The following NBPF9 variants were observed in gnomAD, a reference collection of about 807,000 sequenced individuals.
The protein encoded by NBPF9 is NBPF family member NBPF9.
In NBPF9, 91 loss-of-function variants were observed where a neutral mutation model predicts 97.8. The observed-to-expected ratio is 0.93, with a 90% confidence interval of 0.79 to 1.11. NBPF9 has a LOEUF of 1.11. Among genes scored for constraint, NBPF9 ranks in the 50% least tolerant of loss-of-function variants. NBPF9 has a pLI of 0.00. For missense variants in NBPF9, 992 were observed against 939.5 expected (o/e 1.06, Z -0.73); for synonymous variants, 334 against 359.5 (o/e 0.93, Z 0.80).
intron 4 of NBPF9, among the ~76,000 whole-genome samples, chr1:149,093,083 G>A (rs1379598900): frequency 6.6e-6 from 1 of 152,128 alleles, no homozygotes; most frequent in South Asian, 2.1e-4. Context: ...TTTCTGGAGA[G>A]GGGGATGTGG....
chr1:149,089,686 G>C (rs2081289874), intron 5 of NBPF9, among the ~76,000 whole-genome samples: 1 of 152,312 alleles, frequency 6.6e-6, no homozygotes, highest in Non-Finnish European at 1.5e-5. Flanking sequence ...GGAAAAGACA[G>C]CTCAGCGTAA....
At chr1:149,084,427 ATT>A (rs1491415713) in intron 5 of NBPF9, among the ~76,000 whole-genome samples, 2 of 145,774 alleles carry the variant, frequency 1.4e-5, no homozygotes, top group African/African-American at 5.2e-5. Context: ...GTGTATATAT[ATT>A]ATATATATAT....
exon 30 of NBPF9, chr1:149,055,507 C>G (rs1185606645): frequency 1.3e-6 from 2 of 1,529,298 alleles, no homozygotes; most frequent in Non-Finnish European, 1.8e-6. Context: ...CAGGTTGCCA[C>G]TGGCATGGTT....
rs587744338 is a variant in NBPF9, at chr1:149,084,693, C to T, written c.-194-2263G>A. Among the ~76,000 whole-genome samples, 5 of 151,544 alleles carry T rather than the reference C, an allele frequency of 3.3e-5. No homozygotes were observed. In the South Asian group the frequency reaches 1.0e-3, roughly 32 times the overall value. ...ACAAGGACCCACCTTCCATCTGGGCCGCCGTCCCAGGGAAAACCTTCCTCA... is the reference window on the plus strand; with the variant it reads ...ACAAGGACCCACCTTCCATCTGGGCTGCCGTCCCAGGGAAAACCTTCCTCA... On this transcript the variant is annotated intron_variant, in intron 5 of 29. Coordinates refer to ENST00000584027, the Ensembl canonical transcript of NBPF9.
Position 149,077,852 on chromosome 1 carries a change from C to A in NBPF9, c.566+31G>T. On this transcript the variant is annotated intron_variant, in intron 10 of 29. Transcript: ENST00000584027. Reference sequence around the variant, plus strand: ...CCTAGACATCTTCATATGTTACCACCCATTACTTGCTCCTGAGTATTCAGT... The same window carrying A: ...CCTAGACATCTTCATATGTTACCACACATTACTTGCTCCTGAGTATTCAGT... 5 of 1,591,092 alleles carry A rather than the reference C, an allele frequency of 3.1e-6. 1 individual carries two copies. The highest frequency in any genetic ancestry group is 2.6e-6 in the Non-Finnish European group (3 of 1,160,978).
chr1:149,062,366 A>T lies in NBPF9; in HGVS notation c.2079-101T>A. ...TAACATAAGGAACTGTTTAAAAAGA[A>T]AAAGGACAGATCCATTAATGAGGTA... On this transcript the variant is annotated intron_variant, in intron 21 of 29. Coordinates refer to ENST00000584027, the Ensembl canonical transcript of NBPF9. 3 of 650,196 alleles carry T rather than the reference A, an allele frequency of 4.6e-6. No individual in the cohort carries two copies. The South Asian group carries it at 5.0e-5, about 11-fold the overall frequency. 40.3% of individuals were successfully genotyped at this position (650,196 alleles called of 1,614,324 possible).
chr1:149,055,688 C>A lies in NBPF9; in HGVS notation c.3304G>T (p.Val1102Leu), dbSNP rs782302589. The change falls in exon 30 of 30, where the codon GTG becomes TTG. Residue 1102 changes from valine to leucine, a missense_variant. By Grantham distance (32) the Val-to-Leu change is conservative (BLOSUM62 1). Coordinates refer to ENST00000584027, the Ensembl canonical transcript of NBPF9. ...GGGAATATGACTTCCATCTGGAACA[C>A]CAGGTGGAGACTTGTCACCGTCAAA... The A allele has an allele frequency of 4.9e-5, 79 of 1,611,902 alleles. No homozygotes were observed. The East Asian group carries it at 1.6e-3, about 32-fold the overall frequency.
chr1:149,098,613 A>C, exon 4 of NBPF9: 1 of 1,294,702 alleles, frequency 7.7e-7, no homozygotes, highest in Non-Finnish European at 9.9e-7. Flanking sequence ...AAGCTCCAGG[A>C]CACCCTCAGG....
intron 4 of NBPF9, among the ~76,000 whole-genome samples, chr1:149,093,315 A>T (rs1197268409): frequency 3.3e-5 from 5 of 151,282 alleles, no homozygotes; most frequent in Non-Finnish European, 5.9e-5. Context: ...ATCGGGCTTT[A>T]CACCGAGACA....
chr1:149,080,835 T>G (rs2080367487), intron 7 of NBPF9, among the ~76,000 whole-genome samples: 2 of 148,740 alleles, frequency 1.3e-5, no homozygotes, highest in African/African-American at 5.0e-5. Context: ...TCAAGGAGAT[T>G]GACAGGAAAT....
intron 5 of NBPF9, among the ~76,000 whole-genome samples, chr1:149,084,367 G>A (rs1231945077): frequency 6.9e-6 from 1 of 145,948 alleles, no homozygotes; most frequent in East Asian, 2.0e-4. Context: ...ATATACATAC[G>A]TGTGTATATA....
chr1:149,062,204 A>C (rs782010191), exon 22 of NBPF9: 2 of 1,048,160 alleles, frequency 1.9e-6, no homozygotes, highest in South Asian at 1.3e-5. Context: ...GTCGAATACC[A>C]TCTACCCAGT....
chr1:149,097,262 A>G (rs1403455631), intron 4 of NBPF9, among the ~76,000 whole-genome samples: 1 of 152,172 alleles, frequency 6.6e-6, no homozygotes, highest in Non-Finnish European at 1.5e-5. Flanking sequence ...CACCACCAGT[A>G]TTTTCCATTA....
intron 3 of NBPF9, among the ~76,000 whole-genome samples, chr1:149,101,019 A>G (rs1248154207): frequency 6.6e-6 from 1 of 151,782 alleles, no homozygotes; most frequent in Non-Finnish European, 1.5e-5. Flanking sequence ...TAGGTTAGGC[A>G]TTGATTTCTT....
At chr1:149,082,428 C>T (rs9441130) in exon 6 of NBPF9, 56,913 of 876,412 alleles carry the variant, frequency 0.065, 2,297 homozygotes, top group Non-Finnish European at 0.081. Context: ...GCCAGGTAAC[C>T]GTCTGCAGTT....
rs1276350306 is a variant in NBPF9 at position 149,090,888 on chromosome 1, T to TCAAGGGCTA, written c.-336-3_-331dup. ...TTATTTTGTTTGACCATCCTTATCT[T>TCAAGGGCTA]CAAGGGCTACCAAGAAGAAACAAAT... On this transcript the variant is annotated 5_prime_UTR_variant, in exon 5 of 30. The change creates a premature stop within an existing upstream ORF in the 5' untranslated region. Transcript: ENST00000584027. 17 of 515,004 alleles carry TCAAGGGCTA rather than the reference T, an allele frequency of 3.3e-5. No homozygotes were observed. In the East Asian group the frequency reaches 4.9e-4, roughly 15 times the overall value. The allele number at this position is 515,004 out of a possible 1,614,324, so 31.9% of individuals were successfully genotyped here.
rs1197438299 is a variant in NBPF9, at chr1:149,083,021, C to T, written c.-194-591G>A. ...AGACGGGGTTTCACTGTGTTAGCCA[C>T]GATGGTCTCGATCTCCTGACCTCGT... On this transcript the variant is annotated intron_variant, in intron 5 of 29. Transcript: ENST00000584027. 7.9e-5 allele frequency among the ~76,000 whole-genome samples: 11 copies of T among 138,876 alleles called. No homozygotes were observed. In the South Asian group the frequency reaches 2.1e-3, roughly 26 times the overall value. 91.1% of individuals were successfully genotyped at this position (138,876 alleles called of 152,430 possible).
Position 149,077,824 on chromosome 1 carries a change from C to A in NBPF9, c.566+59G>T, listed in dbSNP as rs2080032786. ...CACCATAGATGCCAGAGAGGGTGTGCCTCCTAGACATCTTCATATGTTACC... is the reference window on the plus strand; with the variant it reads ...CACCATAGATGCCAGAGAGGGTGTGACTCCTAGACATCTTCATATGTTACC... On this transcript the variant is annotated intron_variant, in intron 10 of 29. Transcript: ENST00000584027. 12 of 1,594,184 alleles carry A rather than the reference C, an allele frequency of 7.5e-6. 1 individual carries two copies. The African/African-American group carries it at 8.0e-5, about 11-fold the overall frequency.
intron 16 of NBPF9, 136 bp from the exon 17 acceptor site, chr1:149,069,781 G>T (rs1242201446): frequency 0.076 from 48,629 of 639,434 alleles, 5,348 homozygotes; most frequent in East Asian, 0.48. Context: ...ATATTCTAGG[G>T]TGTCCTAGAT....
Sources: allele counts gnomAD v4.1 joint callset (sites outside exome capture counted in the v4.1 genomes callset), GRCh38; gene constraint gnomAD v4.1.1; transcripts MANE v1.5; gene names NCBI Gene and HGNC (gene_info 2026-07-23, HGNC 2026-07-21).